The following CELF2 variants were observed in gnomAD, a reference collection of about 807,000 sequenced individuals.
CELF2 encodes the protein CUG triplet repeat RNA-binding protein 2.
A neutral mutation model predicts 62.6 loss-of-function variants in CELF2; 8 were observed. That is an observed-to-expected ratio of 0.13 (90% CI 0.07 to 0.23). The LOEUF (loss-of-function observed/expected upper bound fraction) is 0.23. Ranked by LOEUF, CELF2 falls within the 10% of genes least tolerant of loss-of-function variation. CELF2 has a pLI of 1.00. For missense variants in CELF2, 333 were observed against 671.0 expected (o/e 0.50, Z 5.56); for synonymous variants, 258 against 250.0 (o/e 1.03, Z -0.30).
the CELF2 span, chr10:10,784,375 A>C: frequency 6.6e-6 from 1 of 152,488 alleles, no homozygotes; most frequent in East Asian, 1.9e-4. Context: ...TAACCAGCTC[A>C]GTGCCCTCTT....
intron 1 of CELF2, among the ~76,000 whole-genome samples, chr10:11,023,215 A>G (rs1270711354): frequency 6.6e-6 from 1 of 152,224 alleles, no homozygotes; most frequent in Non-Finnish European, 1.5e-5. Context: ...AATGATTTCC[A>G]GTTCATTAGC....
At chr10:10,561,087 G>C in the CELF2 span, among the ~76,000 whole-genome samples, 3 of 152,066 alleles carry the variant, frequency 2.0e-5, no homozygotes, top group South Asian at 6.2e-4. Context: ...CAGGTGATGG[G>C]TGCACCAGGC....
chr10:11,235,009 A>G (rs75998000), intron 3 of CELF2, among the ~76,000 whole-genome samples: 9,210 of 152,228 alleles, frequency 0.061, 404 homozygotes, highest in African/African-American at 0.12. Context: ...TGCTTCAAAC[A>G]TGAGTTTACC....
At position 10,953,524 on chromosome 10, in the gene CELF2, G is replaced by A. The variant is rs568328620; in HGVS notation, c.89+33525G>A. On this transcript the variant is annotated intron_variant, in intron 2 of 13. Transcript: ENST00000636488. ...TCCTACCTACACTTTCTTGTATATTGTTCTTCTCTAAGTGTAAAAAAATAC... is the reference window on the plus strand; with the variant it reads ...TCCTACCTACACTTTCTTGTATATTATTCTTCTCTAAGTGTAAAAAAATAC... Among the ~76,000 whole-genome samples the A allele has an allele frequency of 1.0e-3, 152 of 152,116 alleles. 1 individual carries two copies. The highest frequency in any genetic ancestry group is 3.6e-3 in the African/African-American group (148 of 41,484).
At chr10:10,538,259 C>CT in the CELF2 span, among the ~76,000 whole-genome samples, 15,615 of 152,206 alleles carry the variant, frequency 0.1, 843 homozygotes, top group Middle Eastern at 0.21. Context: ...TCCTTCCTGC[C>CT]TCCCTCTGGT....
chr10:11,315,612 G>A lies in CELF2; in HGVS notation c.1096+1354G>A, dbSNP rs887977662. On this transcript the variant is annotated intron_variant, in intron 10 of 12. Transcript: ENST00000633077. This position sits in a 1 kb window ranked among gnomAD's most constrained non-coding sequence, Gnocchi z 5.8. ...TTTAGTACATCTTTTGGGGAAAAGC[G>A]AAAACGTGGACCGAGCTTTAGCTGA... is the stretch of plus-strand genomic sequence containing the variant. Among the ~76,000 whole-genome samples the A allele has an allele frequency of 3.3e-5, 5 of 152,178 alleles. No individual in the cohort carries two copies. Among genetic ancestry groups the A allele is most frequent in the African/African-American group, 7.2e-5 (3 of 41,440 alleles).
chr10:10,508,687 TGTGTGTG>T, the CELF2 span, among the ~76,000 whole-genome samples: 5 of 80,888 alleles, frequency 6.2e-5, no homozygotes, highest in East Asian at 6.1e-3. Flanking sequence ...TGTGTGTGTG[TGTGTGTG>T]TGTGTGTGTG....
chr10:11,280,296 G>A lies in CELF2; in HGVS notation c.841+5176G>A, dbSNP rs972458706. ...GAGAGGCCCCGCGCCCCATCCAGGA[G>A]CAGGCCTGCGCCTGACACCTGTGCC... On this transcript the variant is annotated intron_variant, in intron 8 of 12. Coordinates refer to ENST00000633077, the MANE Select transcript of CELF2 (RefSeq NM_001326342.2). This position sits in a 1 kb window ranked among gnomAD's most constrained non-coding sequence, Gnocchi z 7.6. Among the ~76,000 whole-genome samples, 15 of 152,232 alleles carry A rather than the reference G, an allele frequency of 9.9e-5. No homozygotes were observed. Among genetic ancestry groups the A allele is most frequent in the African/African-American group, 3.4e-4 (14 of 41,462 alleles).
At chr10:11,276,233 C>T (rs979996034) in intron 8 of CELF2, among the ~76,000 whole-genome samples, 6 of 152,086 alleles carry the variant, frequency 3.9e-5, no homozygotes, top group Admixed American at 6.5e-5. Flanking sequence ...GCAGCCCCGC[C>T]GTTGTGGCCC....
intron 1 of CELF2, among the ~76,000 whole-genome samples, chr10:10,917,487 G>A (rs2064456431): frequency 6.6e-6 from 1 of 152,098 alleles, no homozygotes; most frequent in Non-Finnish European, 1.5e-5. Flanking sequence ...TTACAGGCAG[G>A]CACCATGATG....
chr10:11,059,626 T>G (rs1195993849), intron 1 of CELF2, among the ~76,000 whole-genome samples: 1 of 151,832 alleles, frequency 6.6e-6, no homozygotes, highest in Non-Finnish European at 1.5e-5. Flanking sequence ...AAGGAAAGAG[T>G]TGTGCTATTG....
At chr10:11,312,750 A>G (rs1253597511) in intron 9 of CELF2, among the ~76,000 whole-genome samples, 1 of 152,232 alleles carries the variant, frequency 6.6e-6, no homozygotes, top group Non-Finnish European at 1.5e-5. Flanking sequence ...CCTGGCCAAC[A>G]TGGTGAAACC....
At chr10:11,307,553 A>G (rs150990175) in intron 9 of CELF2, among the ~76,000 whole-genome samples, 1 of 152,356 alleles carries the variant, frequency 6.6e-6, no homozygotes, top group East Asian at 1.9e-4. Flanking sequence ...GGTGCCAAAT[A>G]CAGTGCCAAA....
intron 10 of CELF2, chr10:11,320,826 G>GTTTTTTTTT (rs35548374): frequency 7.9e-7 from 1 of 1,264,136 alleles, no homozygotes. Flanking sequence ...TGCTACTAAG[G>GTTTTTTTTT]TTTTTTTTTT....
rs962060131 is a variant in CELF2, at chr10:11,046,661, C to T, written c.74+28498C>T. On this transcript the variant is annotated intron_variant, in intron 1 of 12. Coordinates refer to ENST00000633077, the MANE Select transcript of CELF2 (RefSeq NM_001326342.2). This position sits in a 1 kb window ranked among gnomAD's most constrained non-coding sequence, Gnocchi z 4.6. ...CTTTTCCTAACTCATTTCAGACGGACGCTAATAACAGCCCGCAGAACCCTC... is the reference window on the plus strand; with the variant it reads ...CTTTTCCTAACTCATTTCAGACGGATGCTAATAACAGCCCGCAGAACCCTC... Among the ~76,000 whole-genome samples, 7 of 152,094 alleles carry T rather than the reference C, an allele frequency of 4.6e-5. No homozygotes were observed. In the South Asian group the frequency reaches 1.2e-3, roughly 27 times the overall value.
intron 8 of CELF2, among the ~76,000 whole-genome samples, chr10:11,284,980 G>C (rs896592339): frequency 1.7e-4 from 3 of 17,274 alleles, no homozygotes; most frequent in African/African-American, 4.1e-4. Flanking sequence ...TGAGTGTGTG[G>C]ATGAGAGATG....
the CELF2 span, among the ~76,000 whole-genome samples, chr10:10,665,757 A>G: frequency 1.3e-5 from 2 of 152,254 alleles, no homozygotes; most frequent in South Asian, 2.1e-4. Flanking sequence ...GGAATGCTCC[A>G]GGAGATGGAG....
chr10:11,091,871 A>G (rs551810136), intron 1 of CELF2, among the ~76,000 whole-genome samples: 96 of 152,370 alleles, frequency 6.3e-4, no homozygotes, highest in African/African-American at 2.2e-3. Flanking sequence ...TAACTCGTTC[A>G]TGAGGAAACC....
intron 1 of CELF2, among the ~76,000 whole-genome samples, chr10:10,877,747 A>C (rs2061199423): frequency 6.6e-6 from 1 of 152,226 alleles, no homozygotes; most frequent in Non-Finnish European, 1.5e-5. Context: ...GTTGGGTAGG[A>C]GGGAACCATT....
Sources: allele counts gnomAD v4.1 joint callset (sites outside exome capture counted in the v4.1 genomes callset), GRCh38; gene constraint gnomAD v4.1.1; non-coding constraint Gnocchi (gnomAD v3.1); transcripts MANE v1.5; gene names NCBI Gene and HGNC (gene_info 2026-07-23, HGNC 2026-07-21).